Variants in CABLES1 observed in about 807,000 individuals in gnomAD.
CABLES1 encodes Cdk5 and Abl enzyme substrate 1.
CABLES1 carries 36 observed loss-of-function variants against 57.8 expected under a neutral mutation model. The observed-to-expected ratio is 0.62, with a 90% CI of 0.48 to 0.82. CABLES1 has a LOEUF of 0.82. CABLES1 is among the 40% of genes least tolerant of loss of function. The pLI, the probability that CABLES1 is intolerant of heterozygous loss-of-function variation, is 0.00. For missense variants in CABLES1, 767 were observed against 836.6 expected (o/e 0.92, Z 1.03); for synonymous variants, 374 against 363.0 (o/e 1.03, Z -0.35).
intron 7 of CABLES1, among the ~76,000 whole-genome samples, chr18:23,244,193 C>G (rs1398861740): frequency 1.3e-5 from 2 of 152,066 alleles, no homozygotes; most frequent in Non-Finnish European, 2.9e-5. Flanking sequence ...CTGGTGTCAT[C>G]TCAAGTGGAT....
intron 4 of CABLES1, among the ~76,000 whole-genome samples, chr18:23,227,620 T>A (rs534514834): frequency 4.6e-5 from 7 of 152,266 alleles, no homozygotes; most frequent in African/African-American, 1.7e-4. Flanking sequence ...TTCTGCTTGA[T>A]GTCAGCAAGC....
At chr18:23,217,644 C>T (rs940410113) in intron 4 of CABLES1, among the ~76,000 whole-genome samples, 3 of 152,154 alleles carry the variant, frequency 2.0e-5, no homozygotes, top group African/African-American at 7.2e-5. Flanking sequence ...AATTGGGAAA[C>T]AACTATGCTC....
chr18:23,198,428 G>A (rs2047300222), intron 3 of CABLES1, among the ~76,000 whole-genome samples: 1 of 152,194 alleles, frequency 6.6e-6, no homozygotes, highest in Non-Finnish European at 1.5e-5. Flanking sequence ...AACAGCCTGA[G>A]TAGGGCATTA....
intron 1 of CABLES1, 54 bp downstream of exon 1, chr18:23,136,661 C>T (rs2046824615): frequency 8.5e-7 from 1 of 1,181,806 alleles, no homozygotes; most frequent in East Asian, 2.9e-5. Context: ...CCGGCGCTCC[C>T]AGCCTCCCCG....
chr18:23,188,738 A>C, intron 1 of CABLES1, 100 bp from the exon 2 acceptor site: 2 of 829,724 alleles, frequency 2.4e-6, no homozygotes, highest in Non-Finnish European at 4.2e-6. Context: ...TTCTTAACGG[A>C]CTTCATGTTT....
At chr18:23,181,181 A>G (rs550640215) in intron 1 of CABLES1, among the ~76,000 whole-genome samples, 38 of 151,950 alleles carry the variant, frequency 2.5e-4, no homozygotes, top group South Asian at 4.2e-4. Context: ...CTGGGAATGC[A>G]TGTATTAAAG....
In CABLES1 at chr18:23,221,982, G is replaced by C. The variant is rs527778676; in HGVS notation, c.1088+7928G>C. Among the ~76,000 whole-genome samples the C allele has an allele frequency of 2.0e-5, 3 of 152,270 alleles. No individual in the cohort carries two copies. The South Asian group carries it at 6.2e-4, about 32-fold the overall frequency. ...TAGAAGGTGCCTTCCTTCCCCATAGGTGTGCTCCTGTTAAGGACAAGACAG... is the reference window on the plus strand; with the variant it reads ...TAGAAGGTGCCTTCCTTCCCCATAGCTGTGCTCCTGTTAAGGACAAGACAG... On this transcript the variant is annotated intron_variant, in intron 4 of 9. Coordinates refer to ENST00000256925, the MANE Select transcript of CABLES1 (RefSeq NM_001100619.3).
chr18:23,228,683 A>T (rs1224095919), intron 4 of CABLES1, among the ~76,000 whole-genome samples: 23 of 28,992 alleles, frequency 7.9e-4, no homozygotes, highest in Admixed American at 1.8e-3. Flanking sequence ...CCTCCCTTTT[A>T]CCCCCTCCAG....
chr18:23,190,343 C>T (rs1214204748), intron 2 of CABLES1: 3 of 152,164 alleles, frequency 2.0e-5, no homozygotes, highest in Admixed American at 6.5e-5. Context: ...CCTGGAGTTT[C>T]GAGAGGCTAC....
At chr18:23,217,176 C>A (rs550373774) in intron 4 of CABLES1, among the ~76,000 whole-genome samples, 1 of 152,032 alleles carries the variant, frequency 6.6e-6, no homozygotes, top group African/African-American at 2.4e-5. Context: ...CGAACTCCTA[C>A]GCTCGAGCCA....
In CABLES1 at chr18:23,253,987, G is replaced by A. The variant is rs1438769403; in HGVS notation, c.1761+51G>A. The A allele has an allele frequency of 2.6e-6, 4 of 1,525,920 alleles. No individual in the cohort carries two copies. In the African/African-American group the frequency reaches 4.1e-5, roughly 16 times the overall value. 94.5% of individuals were successfully genotyped at this position (1,525,920 alleles called of 1,614,324 possible). A position where few individuals can be genotyped will look rare whatever the true frequency, so the allele number is the denominator to read the frequency against. On this transcript the variant is annotated intron_variant, in intron 9 of 9. Coordinates refer to ENST00000256925, the MANE Select transcript of CABLES1 (RefSeq NM_001100619.3). ...GGAGGAGCACATGCTCCGGTCCGGG[G>A]TTCCTCTCTCAGAAGGATTCGGTCA...
chr18:23,201,071 C>A (rs1019091865), intron 3 of CABLES1, among the ~76,000 whole-genome samples: 16 of 152,216 alleles, frequency 1.1e-4, no homozygotes, highest in African/African-American at 3.6e-4. Flanking sequence ...AGGAGCATTA[C>A]AGATGAGAAC....
intron 3 of CABLES1, among the ~76,000 whole-genome samples, chr18:23,211,943 G>A (rs1598832448): frequency 1.3e-5 from 2 of 152,320 alleles, no homozygotes; most frequent in Admixed American, 1.3e-4. Context: ...GTAACCCCTG[G>A]CCCTTCAGGC....
At chr18:23,161,737 C>T (rs1239053755) in intron 1 of CABLES1, among the ~76,000 whole-genome samples, 3 of 142,514 alleles carry the variant, frequency 2.1e-5, no homozygotes, top group African/African-American at 5.4e-5. Context: ...GGTGAAACCC[C>T]GTCTCTACTA....
At chr18:23,245,366 C>T (rs973174719) in intron 7 of CABLES1, among the ~76,000 whole-genome samples, 2 of 151,964 alleles carry the variant, frequency 1.3e-5, no homozygotes. Flanking sequence ...AAAAAAATAG[C>T]CAGGCGTGGT....
chr18:23,251,982 A>G (rs1471648003), intron 7 of CABLES1, among the ~76,000 whole-genome samples: 1 of 152,024 alleles, frequency 6.6e-6, no homozygotes, highest in African/African-American at 2.4e-5. Flanking sequence ...GCTACTCAGG[A>G]AGCTGAGACA....
chr18:23,233,000 G>A (rs929998409), intron 4 of CABLES1, among the ~76,000 whole-genome samples: 2 of 151,844 alleles, frequency 1.3e-5, no homozygotes, highest in African/African-American at 2.4e-5. Flanking sequence ...CCTTATATTC[G>A]TTCTTGCATA....
chr18:23,248,774 G>A (rs1018957990), intron 7 of CABLES1, among the ~76,000 whole-genome samples: 2 of 152,164 alleles, frequency 1.3e-5, no homozygotes, highest in African/African-American at 4.8e-5. Flanking sequence ...GCAGTGATCT[G>A]AGATCACACC....
chr18:23,249,489 G>A (rs527962066), intron 7 of CABLES1, among the ~76,000 whole-genome samples: 3 of 152,228 alleles, frequency 2.0e-5, no homozygotes, highest in Non-Finnish European at 4.4e-5. Flanking sequence ...TCATGGTGCA[G>A]GTGCGAGGCC....
Sources: allele counts gnomAD v4.1 joint callset (sites outside exome capture counted in the v4.1 genomes callset), GRCh38; gene constraint gnomAD v4.1.1; transcripts MANE v1.5; gene names NCBI Gene and HGNC (gene_info 2026-07-23, HGNC 2026-07-21).